Variants in UBE2J2 observed in about 807,000 individuals in gnomAD.
UBE2J2 encodes the protein ubiquitin conjugating enzyme E2 J2.
Under a neutral mutation model 28.6 loss-of-function variants are expected in UBE2J2, and 5 were observed. That is an observed-to-expected ratio of 0.17 (90% CI 0.09 to 0.37). The LOEUF (loss-of-function observed/expected upper bound fraction) is 0.37, where lower values mean the gene tolerates loss of function less well. UBE2J2 is among the 10% of genes least tolerant of loss of function. UBE2J2 has a pLI of 1.00. For missense variants in UBE2J2, 226 were observed against 338.9 expected (o/e 0.67, Z 2.62); for synonymous variants, 138 against 139.7 (o/e 0.99, Z 0.09).
intron 3 of UBE2J2, among the ~76,000 whole-genome samples, chr1:1,261,125 A>G (rs1412311730): frequency 6.6e-6 from 1 of 152,254 alleles, no homozygotes; most frequent in Non-Finnish European, 1.5e-5. Flanking sequence ...GACTGAGAAC[A>G]GCCCCTCGGC....
intron 2 of UBE2J2, among the ~76,000 whole-genome samples, chr1:1,267,361 C>T (rs1431824586): frequency 6.6e-6 from 1 of 152,148 alleles, no homozygotes; most frequent in Non-Finnish European, 1.5e-5. Context: ...GGCACCTGGC[C>T]CAAGCCAGTG....
chr1:1,257,273 T>A lies in UBE2J2; in HGVS notation c.210A>T (p.Glu70Asp), dbSNP rs765338013. Residue 70 changes from glutamate to aspartate, a missense_variant, in exon 4 of 7, where the codon GAA becomes GAT. By Grantham distance (45) the Glu-to-Asp change is conservative (BLOSUM62 2). Coordinates refer to ENST00000349431, the MANE Select transcript of UBE2J2 (RefSeq NM_058167.3). Reference protein sequence around the residue: ...YYHGKLIFPREFPFKPPSIYM... With the variant: ...YYHGKLIFPRDFPFKPPSIYM... ...AGATACTGGGAGGTTTGAAAGGAAA[T>A]TCTCTGGGAAAAATTAGTTTTCCAT... The A allele has an allele frequency of 2.1e-5, 34 of 1,612,546 alleles. No homozygotes were observed. In the South Asian group the frequency reaches 3.7e-4, roughly 18 times the overall value.
In UBE2J2 at chr1:1,257,286, A is replaced by G. The variant is rs1251074896; in HGVS notation, c.197T>C (p.Ile66Thr). ...YEGGYYHGKL[I>T]FPREFPFKPP... ...TTTGAAAGGAAATTCTCTGGGAAAA[A>G]TTAGTTTTCCATGATAATAGCCACC... Residue 66 changes from isoleucine to threonine, a missense_variant, in exon 4 of 7, where the codon ATT (isoleucine) becomes ACT (threonine). This residue lies in a region of UBE2J2 where 80 missense variants were observed against 114.5 expected (regional missense o/e 0.70). Coordinates refer to ENST00000349431, the MANE Select transcript of UBE2J2 (RefSeq NM_058167.3). 1 of 1,612,762 alleles carries G rather than the reference A, an allele frequency of 6.2e-7. No homozygotes were observed. Among genetic ancestry groups the G allele is most frequent in the East Asian group, 2.2e-5 (1 of 44,844 alleles).
At chr1:1,267,258 A>G (rs549029056) in intron 2 of UBE2J2, among the ~76,000 whole-genome samples, 1 of 152,164 alleles carries the variant, frequency 6.6e-6, no homozygotes, top group South Asian at 2.1e-4. Context: ...AGCAGTATGC[A>G]CTCTCACACT....
intron 2 of UBE2J2, chr1:1,263,651 C>T (rs1570562372): frequency 5.5e-6 from 2 of 363,700 alleles, no homozygotes; most frequent in East Asian, 9.2e-5. Context: ...GACAATATAA[C>T]ATGCACGAAG....
rs994749043 is a variant in UBE2J2 at position 1,254,177 on chromosome 1, G to A, written c.*1026C>T. 4 of 152,190 alleles carry A rather than the reference G, an allele frequency of 2.6e-5. No homozygotes were observed. The highest frequency in any genetic ancestry group is 9.7e-5 in the African/African-American group (4 of 41,442). The allele number at this position is 152,190 out of a possible 1,614,324, so 9.4% of individuals were successfully genotyped here. ...CAGACGCAGAAGAGGGGAGACGGCCGAGACCCGGGGAGCCACGCGGCCCGA... is the reference window on the plus strand; with the variant it reads ...CAGACGCAGAAGAGGGGAGACGGCCAAGACCCGGGGAGCCACGCGGCCCGA... On this transcript the variant is annotated 3_prime_UTR_variant, in exon 7 of 7. Transcript: ENST00000349431.
intron 2 of UBE2J2, 22 bp downstream of exon 2, chr1:1,267,840 G>A (rs772093308): frequency 1.5e-5 from 24 of 1,612,472 alleles, no homozygotes; most frequent in East Asian, 1.3e-4. Context: ...AGCGCAGGGC[G>A]ATCAGTGGCG....
rs1639092056 is a variant in UBE2J2 at position 1,255,119 on chromosome 1, T to C, written c.*84A>G. On this transcript the variant is annotated 3_prime_UTR_variant, in exon 7 of 7. Transcript: ENST00000349431. Reference sequence around the variant, plus strand: ...CCTAGGAGCCTGGTGGGTCTGCCTGTGCTGGGCAGTGTGTCCAGCCTGCCG... The same window carrying C: ...CCTAGGAGCCTGGTGGGTCTGCCTGCGCTGGGCAGTGTGTCCAGCCTGCCG... The C allele has an allele frequency of 1.4e-6, 2 of 1,414,150 alleles. No individual in the cohort carries two copies. The highest frequency in any genetic ancestry group is 2.6e-5 in the Admixed American group (1 of 39,196). The allele number at this position is 1,414,150 out of a possible 1,614,324, so 87.6% of individuals were successfully genotyped here.
chr1:1,263,455 G>GCCTGGGGTTTATAGAAC, intron 2 of UBE2J2, 69 bp from the exon 3 acceptor site: 1 of 1,438,296 alleles, frequency 7.0e-7, no homozygotes, highest in Non-Finnish European at 9.8e-7. Flanking sequence ...ATCATTCCAA[G>GCCTGGGGTTTATAGAAC]CCTGGGGTTT....
intron 2 of UBE2J2, among the ~76,000 whole-genome samples, chr1:1,265,652 G>A (rs1441011525): frequency 1.0e-5 from 1 of 96,310 alleles, no homozygotes; most frequent in Admixed American, 9.9e-5. Context: ...TGTGTGTGGT[G>A]GAGTCTCACT....
chr1:1,258,458 C>T (rs1419919074), intron 3 of UBE2J2, among the ~76,000 whole-genome samples: 2 of 152,076 alleles, frequency 1.3e-5, no homozygotes, highest in Non-Finnish European at 2.9e-5. Flanking sequence ...TCTTCCCACT[C>T]CAGCCAGCCC....
At position 1,256,038 on chromosome 1, in the gene UBE2J2, T is replaced by C. The variant is rs1639155793; in HGVS notation, c.495+7A>G. On this transcript the variant is annotated splice_region_variant and intron_variant, in intron 6 of 6. Coordinates refer to ENST00000349431, the MANE Select transcript of UBE2J2 (RefSeq NM_058167.3). The stretch of plus-strand genomic sequence containing the variant: ...GGGAAGGCGAAACCCACTTCCGTCT[T>C]TCTTACCTCCACGACTTCAGGAAAT... 1.9e-6 allele frequency: 3 copies of C among 1,604,040 alleles called. No homozygotes were observed. The African/African-American group carries it at 4.0e-5, about 21-fold the overall frequency.
In UBE2J2 at chr1:1,268,636, C is replaced by T. The variant is rs530884905; in HGVS notation, c.1-644G>A. ...CCTGAGAAAGTGCAGTGTGCAAGGG[C>T]CCAAGCACAGTGAGGGCAGGGATAA... On this transcript the variant is annotated intron_variant, in intron 1 of 6. Coordinates refer to ENST00000349431, the MANE Select transcript of UBE2J2 (RefSeq NM_058167.3). This position sits in a 1 kb window ranked among gnomAD's most constrained non-coding sequence, Gnocchi z 4.7. Among the ~76,000 whole-genome samples, 3 of 152,288 alleles carry T rather than the reference C, an allele frequency of 2.0e-5. No individual in the cohort carries two copies. The East Asian group carries it at 5.8e-4, about 29-fold the overall frequency.
Position 1,256,050 on chromosome 1 carries a change from C to T in UBE2J2, c.490G>A (p.Val164Met), listed in dbSNP as rs376025644. 25 of 1,610,172 alleles carry T rather than the reference C, an allele frequency of 1.6e-5. No homozygotes were observed. The African/African-American group carries it at 2.1e-4, about 14-fold the overall frequency. ...KVFCELFPEV[V>M]EEIKQKQKAQ... is the part of the protein sequence containing the mutation. ...CCCACTTCCGTCTTTCTTACCTCCA[C>T]GACTTCAGGAAATAATTCACAAAAG... Residue 164 changes from valine to methionine, a missense_variant, in exon 6 of 7, where the codon GTG becomes ATG. Physicochemically the swap from Val to Met is conservative, Grantham distance 21. Coordinates refer to ENST00000349431, the MANE Select transcript of UBE2J2 (RefSeq NM_058167.3).
Position 1,268,868 on chromosome 1 carries a change from GA to G in UBE2J2, c.1-877del, listed in dbSNP as rs1640010526. ...AATTTTTTTTTTTTTGTAGAGCTGGGATCTCACTATGTTGCCCAAGGTGGTC... is the reference window on the plus strand; with the variant it reads ...AATTTTTTTTTTTTTGTAGAGCTGGGTCTCACTATGTTGCCCAAGGTGGTC... On this transcript the variant is annotated intron_variant, in intron 1 of 6. Coordinates refer to ENST00000349431, the MANE Select transcript of UBE2J2 (RefSeq NM_058167.3). The surrounding 1 kb of genome is among the most constrained non-coding windows in gnomAD (Gnocchi z 4.7). Among the ~76,000 whole-genome samples the G allele has an allele frequency of 6.6e-6, 1 of 151,812 alleles. No individual in the cohort carries two copies. The highest frequency in any genetic ancestry group is 1.5e-5 in the Non-Finnish European group (1 of 67,948).
rs924121692 is a variant in UBE2J2 at position 1,256,027 on chromosome 1, C to G, written c.495+18G>C. On this transcript the variant is annotated intron_variant, in intron 6 of 6. Transcript: ENST00000349431. Reference sequence around the variant, plus strand: ...TTTTAACGCAGGGGAAGGCGAAACCCACTTCCGTCTTTCTTACCTCCACGA... The same window carrying G: ...TTTTAACGCAGGGGAAGGCGAAACCGACTTCCGTCTTTCTTACCTCCACGA... The G allele has an allele frequency of 6.4e-6, 10 of 1,572,126 alleles. No individual in the cohort carries two copies. Among genetic ancestry groups the G allele is most frequent in the Non-Finnish European group, 7.9e-6 (9 of 1,142,830 alleles).
intron 3 of UBE2J2, among the ~76,000 whole-genome samples, chr1:1,258,343 A>C (rs12072310): frequency 0.14 from 21,758 of 151,864 alleles, 3,118 homozygotes; most frequent in African/African-American, 0.37. Flanking sequence ...CCCCAGCCAT[A>C]CCACTGGTTT....
intron 1 of UBE2J2, chr1:1,273,200 C>CTCCCACTGTCACCGCCCGGGTT (rs1640252300): frequency 1.3e-5 from 2 of 152,172 alleles, no homozygotes; most frequent in South Asian, 4.1e-4. Context: ...CGGCGGTGGT[C>CTCCCACTGTCACCGCCCGGGTT]TCCCACTGTC....
chr1:1,272,078 C>T (rs1020280853), intron 1 of UBE2J2, among the ~76,000 whole-genome samples: 4 of 150,508 alleles, frequency 2.7e-5, no homozygotes, highest in South Asian at 4.2e-4. Context: ...TACTTGAACT[C>T]GGGAGCCGGA....
Sources: allele counts gnomAD v4.1 joint callset (sites outside exome capture counted in the v4.1 genomes callset), GRCh38; gene constraint gnomAD v4.1.1; regional missense constraint gnomAD v4.1.1; non-coding constraint Gnocchi (gnomAD v3.1); transcripts MANE v1.5; gene names NCBI Gene and HGNC (gene_info 2026-07-23, HGNC 2026-07-21).